The following ACYP2 variants were observed in gnomAD, a reference collection of about 807,000 sequenced individuals.
ACYP2 encodes the protein acylphosphatase-2.
A neutral mutation model predicts 11.2 loss-of-function variants in ACYP2; 12 were observed. The observed-to-expected ratio is 1.08, with a 90% CI of 0.69 to 1.74. ACYP2 has a LOEUF of 1.74. ACYP2 is among the 40% of genes most tolerant of loss of function. The pLI is 0.00. For synonymous variants in ACYP2, 43 were observed against 32.2 expected, an observed-to-expected ratio of 1.33 and a Z score of -1.13; for missense variants, 134 against 101.9, an observed-to-expected ratio of 1.31 and a Z score of -1.35.
In ACYP2 at chr2:54,096,798, G is replaced by C. The variant is rs528597720; in HGVS notation, c.278-38655G>C. Reference sequence around the variant, plus strand: ...GATGGCAGCAGTACAGTCCAGCCTTGGCTCGGCATCAGAGGGAGACCGTGG... The same window carrying C: ...GATGGCAGCAGTACAGTCCAGCCTTCGCTCGGCATCAGAGGGAGACCGTGG... On this transcript the variant is annotated intron_variant, in intron 4 of 6. Transcript: ENST00000607452. 1.0e-4 allele frequency among the ~76,000 whole-genome samples: 15 copies of C among 147,444 alleles called. No homozygotes were observed. In the South Asian group the frequency reaches 3.3e-3, roughly 32 times the overall value.
intron 6 of ACYP2, among the ~76,000 whole-genome samples, chr2:54,194,581 A>G (rs1336952599): frequency 6.6e-6 from 1 of 152,176 alleles, no homozygotes; most frequent in Non-Finnish European, 1.5e-5. Context: ...ATATGAACAT[A>G]TAGTACAAAT....
chr2:54,038,799 G>A (rs953946377), intron 2 of ACYP2, among the ~76,000 whole-genome samples: 25 of 75,106 alleles, frequency 3.3e-4, no homozygotes, highest in Admixed American at 5.7e-4. Context: ...GTCAGAATAG[G>A]TAAAAAAAAA....
intron 4 of ACYP2, among the ~76,000 whole-genome samples, chr2:54,114,380 C>CAAAAAAAAA (rs58390248): frequency 1.1e-4 from 11 of 104,316 alleles, no homozygotes; most frequent in Admixed American, 2.0e-4. Flanking sequence ...TCAAGACAAT[C>CAAAAAAAAA]AAAAAAAAAA....
chr2:54,230,527 C>T (rs1042235264), intron 6 of ACYP2, among the ~76,000 whole-genome samples: 1 of 151,868 alleles, frequency 6.6e-6, no homozygotes, highest in African/African-American at 2.4e-5. Flanking sequence ...TGGCCACACC[C>T]GGCTAATTTT....
chr2:54,207,181 G>GTA (rs1685110382), intron 6 of ACYP2, among the ~76,000 whole-genome samples: 2 of 150,316 alleles, frequency 1.3e-5, no homozygotes, highest in Admixed American at 6.7e-5. Flanking sequence ...ATATGTGTGT[G>GTA]TGTGTGTGTG....
intron 2 of ACYP2, among the ~76,000 whole-genome samples, chr2:53,973,975 C>T (rs975382974): frequency 6.2e-5 from 9 of 145,346 alleles, no homozygotes; most frequent in African/African-American, 2.3e-4. Flanking sequence ...GGATCCATCT[C>T]GGCTCACTGC....
At chr2:54,118,859 T>C (rs1018355431) in intron 4 of ACYP2, among the ~76,000 whole-genome samples, 3 of 152,148 alleles carry the variant, frequency 2.0e-5, no homozygotes, top group African/African-American at 7.2e-5. Context: ...TACATCTACA[T>C]TGACATTCCC....
chr2:54,299,591 C>CAAAA (rs1213298753), intron 6 of ACYP2, among the ~76,000 whole-genome samples: 6 of 79,434 alleles, frequency 7.6e-5, no homozygotes, highest in Non-Finnish European at 1.7e-4. Context: ...GACTCTGTCT[C>CAAAA]AAAAAAAAAA....
At chr2:54,152,783 T>A (rs963198680) in intron 6 of ACYP2, among the ~76,000 whole-genome samples, 12 of 152,198 alleles carry the variant, frequency 7.9e-5, no homozygotes, top group African/African-American at 2.2e-4. Context: ...ACAAGTTGTT[T>A]ATATATTCAC....
chr2:54,273,007 A>T (rs1470116024), intron 6 of ACYP2, among the ~76,000 whole-genome samples: 2 of 152,246 alleles, frequency 1.3e-5, no homozygotes, highest in African/African-American at 4.8e-5. Flanking sequence ...TTTTCAAAGA[A>T]TTGGGGTTAG....
rs1673069004 is a variant in ACYP2 at position 54,006,448 on chromosome 2, CT to C, written c.62+32639del. ...AGGCATGAGCCACCGCGCCCGGCCTCTAGTTTTTTGATTTTTTGTAGAGATG... is the reference window on the plus strand; with the variant it reads ...AGGCATGAGCCACCGCGCCCGGCCTCAGTTTTTTGATTTTTTGTAGAGATG... On this transcript the variant is annotated intron_variant, in intron 2 of 6. Transcript: ENST00000607452. Among the ~76,000 whole-genome samples, 5 of 151,804 alleles carry C rather than the reference CT, an allele frequency of 3.3e-5. No individual in the cohort carries two copies. In the South Asian group the frequency reaches 1.0e-3, roughly 32 times the overall value.
intron 4 of ACYP2, among the ~76,000 whole-genome samples, chr2:54,081,484 T>C (rs1228036049): frequency 1.3e-5 from 2 of 152,166 alleles, no homozygotes; most frequent in African/African-American, 2.4e-5. Flanking sequence ...CTGCCTACAG[T>C]ATTCAGTACC....
chr2:54,054,861 T>C (rs529029040), intron 3 of ACYP2, among the ~76,000 whole-genome samples: 1 of 152,324 alleles, frequency 6.6e-6, no homozygotes, highest in South Asian at 2.1e-4. Context: ...GAGGTAGATA[T>C]TACTTTAGAG....
intron 2 of ACYP2, among the ~76,000 whole-genome samples, chr2:54,002,259 T>C (rs752648448): frequency 6.6e-6 from 1 of 152,210 alleles, no homozygotes; most frequent in Non-Finnish European, 1.5e-5. Context: ...AGTCATACAG[T>C]ATGTAGTGTT....
At chr2:54,039,819 T>TTTTGTGTG (rs1553359336) in intron 2 of ACYP2, among the ~76,000 whole-genome samples, 15 of 126,610 alleles carry the variant, frequency 1.2e-4, no homozygotes, top group Admixed American at 1.2e-3. Flanking sequence ...TTGTTTTCTT[T>TTTTGTGTG]TGTGTGTGTG....
At chr2:54,236,519 T>C (rs1686485663) in intron 6 of ACYP2, among the ~76,000 whole-genome samples, 1 of 152,214 alleles carries the variant, frequency 6.6e-6, no homozygotes, top group African/African-American at 2.4e-5. Flanking sequence ...ATTTTTGTTA[T>C]TGATTTCTAG....
intron 4 of ACYP2, among the ~76,000 whole-genome samples, chr2:54,102,141 T>C (rs1205883556): frequency 6.6e-6 from 1 of 152,236 alleles, no homozygotes; most frequent in Non-Finnish European, 1.5e-5. Context: ...CAAATTGCTT[T>C]ACAAAATGTT....
At chr2:54,168,041 GCTTCTAT>G (rs1165025305) in intron 6 of ACYP2, among the ~76,000 whole-genome samples, 1 of 152,056 alleles carries the variant, frequency 6.6e-6, no homozygotes, top group Non-Finnish European at 1.5e-5. Context: ...TATAAAAATT[GCTTCTAT>G]ATTTTGATGT....
chr2:54,079,588 A>T (rs1677534539), intron 4 of ACYP2, among the ~76,000 whole-genome samples: 1 of 152,240 alleles, frequency 6.6e-6, no homozygotes, highest in South Asian at 2.1e-4. Context: ...TGATGCTGAC[A>T]TCACAGATTT....
Sources: allele counts gnomAD v4.1 joint callset (sites outside exome capture counted in the v4.1 genomes callset), GRCh38; gene constraint gnomAD v4.1.1; transcripts MANE v1.5; gene names NCBI Gene and HGNC (gene_info 2026-07-23, HGNC 2026-07-21).